The following ANO2 variants were observed in gnomAD, a reference collection of about 807,000 sequenced individuals.
The protein encoded by ANO2 is anoctamin-2.
In ANO2, 101 loss-of-function variants were observed where a neutral mutation model predicts 124.2. The ratio of observed to expected loss-of-function variants is 0.81; its 90% CI spans 0.69 to 0.96. The LOEUF (loss-of-function observed/expected upper bound fraction) is 0.96. ANO2 is among the 40% of genes least tolerant of loss of function. The pLI, the probability that ANO2 is intolerant of heterozygous loss-of-function variation, is 0.00. For missense variants in ANO2, 1,293 were observed against 1,274.5 expected, an observed-to-expected ratio of 1.01 and a Z score of -0.22; for synonymous variants, 486 against 482.5, an observed-to-expected ratio of 1.01 and a Z score of -0.09.
At chr12:5,863,789 CT>C (rs1358145734) in intron 3 of ANO2, among the ~76,000 whole-genome samples, 1 of 151,930 alleles carries the variant, frequency 6.6e-6, no homozygotes, top group Non-Finnish European at 1.5e-5. Flanking sequence ...CTTCTTGTAA[CT>C]TTTTTTGTTT....
intron 3 of ANO2, among the ~76,000 whole-genome samples, chr12:5,891,962 G>T (rs575785978): frequency 1.3e-5 from 2 of 151,980 alleles, no homozygotes; most frequent in East Asian, 3.9e-4. Context: ...AAATGCCGAT[G>T]ACAAAGATAT....
intron 3 of ANO2, among the ~76,000 whole-genome samples, chr12:5,902,991 C>G (rs1940420815): frequency 6.7e-6 from 1 of 150,362 alleles, no homozygotes; most frequent in Non-Finnish European, 1.5e-5. Context: ...GCTGAGTCTT[C>G]CTAGGGACCA....
In ANO2 at chr12:5,580,944, G is replaced by A. The variant is rs78477327; in HGVS notation, c.2234-2426C>T. On this transcript the variant is annotated intron_variant, in intron 20 of 24. Transcript: ENST00000682330. ...GGTTGGGACCTTAGAGTGATCACCT[G>A]ACTAGCTGGCTGGCCAACAACGATT... is the stretch of plus-strand genomic sequence containing the variant. Among the ~76,000 whole-genome samples, 9 of 152,306 alleles carry A rather than the reference G, an allele frequency of 5.9e-5. No individual in the cohort carries two copies. The East Asian group carries it at 1.7e-3, about 29-fold the overall frequency.
intron 14 of ANO2, among the ~76,000 whole-genome samples, chr12:5,694,251 C>CAGAGACAGAGAGAGAG (rs1555137021): frequency 7.5e-6 from 1 of 133,882 alleles, no homozygotes; most frequent in South Asian, 2.6e-4. Context: ...TTACCAGAGA[C>CAGAGACAGAGAGAGAG]AGAGAGAGAG....
intron 23 of ANO2, among the ~76,000 whole-genome samples, chr12:5,568,792 T>C (rs568232972): frequency 2.0e-5 from 3 of 152,044 alleles, no homozygotes; most frequent in Non-Finnish European, 4.4e-5. Flanking sequence ...AGGTGAGGGG[T>C]TGAAAGCCCT....
At chr12:5,846,092 C>T (rs536892275) in intron 4 of ANO2, among the ~76,000 whole-genome samples, 112 of 152,292 alleles carry the variant, frequency 7.4e-4, no homozygotes, top group African/African-American at 2.6e-3. Flanking sequence ...TTAAAAGATG[C>T]TAATATCCTT....
intron 7 of ANO2, among the ~76,000 whole-genome samples, chr12:5,814,319 G>T (rs1457725645): frequency 1.3e-5 from 2 of 152,194 alleles, no homozygotes; most frequent in Admixed American, 6.5e-5. Flanking sequence ...CCTAATTGGG[G>T]TGTGCTATTT....
chr12:5,839,742 A>G, intron 4 of ANO2: 1 of 411,858 alleles, frequency 2.4e-6, no homozygotes, highest in South Asian at 1.7e-5. Flanking sequence ...TCCACGGTCC[A>G]TACAAACTCT....
chr12:5,707,776 G>A (rs1393968825), intron 14 of ANO2, among the ~76,000 whole-genome samples: 1 of 152,234 alleles, frequency 6.6e-6, no homozygotes, highest in African/African-American at 2.4e-5. Flanking sequence ...AACAGATGGT[G>A]TATGTGGAAT....
At chr12:5,654,750 A>G (rs1947074713) in intron 14 of ANO2, among the ~76,000 whole-genome samples, 1 of 152,114 alleles carries the variant, frequency 6.6e-6, no homozygotes, top group Non-Finnish European at 1.5e-5. Flanking sequence ...GGAACTCTTC[A>G]CTTCCTATTC....
At chr12:5,703,682 G>T (rs1949492114) in intron 14 of ANO2, among the ~76,000 whole-genome samples, 1 of 152,062 alleles carries the variant, frequency 6.6e-6, no homozygotes, top group Admixed American at 6.6e-5. Flanking sequence ...GAGTAGCTGG[G>T]ACTACAGGTG....
chr12:5,901,564 G>C (rs1940210358), intron 3 of ANO2, among the ~76,000 whole-genome samples: 1 of 152,204 alleles, frequency 6.6e-6, no homozygotes, highest in Non-Finnish European at 1.5e-5. Context: ...CCAGAGCTGG[G>C]GGCATGGATG....
intron 4 of ANO2, chr12:5,836,665 A>C (rs933870377): frequency 1.3e-5 from 2 of 153,770 alleles, no homozygotes; most frequent in African/African-American, 2.4e-5. Flanking sequence ...TGCTGACTGC[A>C]CCCAGACACT....
intron 10 of ANO2, among the ~76,000 whole-genome samples, chr12:5,795,371 C>T (rs1952815819): frequency 6.6e-6 from 1 of 152,222 alleles, no homozygotes; most frequent in African/African-American, 2.4e-5. Flanking sequence ...CAGGGCCTGA[C>T]TTTAAGTGCA....
chr12:5,682,834 C>A (rs1383654500), intron 14 of ANO2, among the ~76,000 whole-genome samples: 1 of 152,206 alleles, frequency 6.6e-6, no homozygotes, highest in African/African-American at 2.4e-5. Context: ...TAGCAGATAT[C>A]TATGAGCATT....
intron 10 of ANO2, among the ~76,000 whole-genome samples, chr12:5,774,545 A>G (rs1404519576): frequency 6.6e-6 from 1 of 152,220 alleles, no homozygotes; most frequent in Non-Finnish European, 1.5e-5. Flanking sequence ...TGCTAAGGAA[A>G]GAGTTATATT....
chr12:5,772,957 C>A (rs1388961567), intron 10 of ANO2, among the ~76,000 whole-genome samples: 1 of 152,220 alleles, frequency 6.6e-6, no homozygotes, highest in Non-Finnish European at 1.5e-5. Flanking sequence ...TGGCCTGTGC[C>A]CCAGGAGGCT....
intron 14 of ANO2, among the ~76,000 whole-genome samples, chr12:5,700,072 G>A (rs998110025): frequency 6.6e-6 from 1 of 152,166 alleles, no homozygotes; most frequent in South Asian, 2.1e-4. Flanking sequence ...ATTGAACTCA[G>A]CTCTGCACCA....
intron 3 of ANO2, among the ~76,000 whole-genome samples, chr12:5,916,985 A>G (rs17786400): frequency 0.15 from 23,065 of 152,208 alleles, 1,983 homozygotes; most frequent in Middle Eastern, 0.2. Flanking sequence ...GAGAGGTGGA[A>G]GTCTGATGAC....
Sources: gnomAD v4.1 joint callset for allele counts (sites outside exome capture counted in the v4.1 genomes callset) on GRCh38, gnomAD v4.1.1 for gene constraint, MANE v1.5 for transcripts, NCBI Gene and HGNC (gene_info 2026-07-23, HGNC 2026-07-21) for gene names.